GRID1: variants seen among roughly 807,000 people sequenced by gnomAD.
The protein encoded by GRID1 is glutamate receptor ionotropic, delta-1.
GRID1 carries 28 observed loss-of-function variants against 98.0 expected under a neutral mutation model. That is an observed-to-expected ratio of 0.29 (90% CI 0.21 to 0.39). GRID1 has a LOEUF of 0.39. Among genes scored for constraint, GRID1 ranks in the 10% least tolerant of loss-of-function variants. The pLI, the probability that GRID1 is intolerant of heterozygous loss-of-function variation, is 1.00. For missense variants in GRID1, 1,111 were observed against 1,340.5 expected (o/e 0.83, Z 2.67); for synonymous variants, 553 against 538.5 (o/e 1.03, Z -0.37).
chr10:86,235,122 A>G (rs1025586335), intron 2 of GRID1, among the ~76,000 whole-genome samples: 3 of 152,136 alleles, frequency 2.0e-5, no homozygotes, highest in African/African-American at 7.2e-5. Flanking sequence ...GGCCTTGCAC[A>G]CTCATACATA....
At chr10:86,124,781 C>A (rs1419440271) in intron 4 of GRID1, among the ~76,000 whole-genome samples, 2 of 152,128 alleles carry the variant, frequency 1.3e-5, no homozygotes, top group Admixed American at 6.5e-5. Context: ...TCAAGACAGA[C>A]AAATGAAACC....
At chr10:85,882,209 G>A (rs567299879) in intron 5 of GRID1, among the ~76,000 whole-genome samples, 1 of 152,302 alleles carries the variant, frequency 6.6e-6, no homozygotes, top group East Asian at 1.9e-4. Context: ...GTGGAAGTCA[G>A]TGTGGCGATT....
chr10:86,333,114 C>T (rs1434886060), intron 2 of GRID1, among the ~76,000 whole-genome samples: 1 of 152,210 alleles, frequency 6.6e-6, no homozygotes, highest in Non-Finnish European at 1.5e-5. Flanking sequence ...TACCAAATCT[C>T]CCATCAGGCC....
intron 4 of GRID1, among the ~76,000 whole-genome samples, chr10:85,979,194 C>G (rs1033219551): frequency 2.0e-5 from 3 of 152,126 alleles, no homozygotes; most frequent in East Asian, 1.9e-4. Flanking sequence ...CTCCAGCCCC[C>G]CTCCCATGGC....
intron 2 of GRID1, among the ~76,000 whole-genome samples, chr10:86,271,353 C>T (rs542833429): frequency 7.9e-5 from 12 of 152,082 alleles, no homozygotes; most frequent in African/African-American, 2.4e-4. Context: ...GATATTTCTA[C>T]GAATGCAAAA....
chr10:85,618,978 C>T (rs1842824763), intron 14 of GRID1, among the ~76,000 whole-genome samples: 1 of 152,182 alleles, frequency 6.6e-6, no homozygotes, highest in Admixed American at 6.5e-5. Flanking sequence ...TGAGTGTTGC[C>T]CCTGAGCCTG....
At chr10:85,852,408 G>A (rs1393085579) in intron 8 of GRID1, among the ~76,000 whole-genome samples, 2 of 152,250 alleles carry the variant, frequency 1.3e-5, no homozygotes, top group African/African-American at 4.8e-5. Flanking sequence ...GGAAGTGGAG[G>A]ACATAGTGCC....
intron 8 of GRID1, among the ~76,000 whole-genome samples, chr10:85,763,732 A>G (rs1399395090): frequency 3.9e-5 from 6 of 152,264 alleles, no homozygotes; most frequent in Non-Finnish European, 8.8e-5. Context: ...GACAGATTTG[A>G]GTATGTATAA....
chr10:85,644,200 G>C (rs1041198547), intron 13 of GRID1: 2 of 152,210 alleles, frequency 1.3e-5, no homozygotes, highest in African/African-American at 4.8e-5. Context: ...TGAGCAGAAT[G>C]AGATTAATGA....
chr10:86,032,463 C>T (rs1178495832), intron 4 of GRID1, among the ~76,000 whole-genome samples: 1 of 152,176 alleles, frequency 6.6e-6, no homozygotes, highest in African/African-American at 2.4e-5. Flanking sequence ...TGGGAGACTC[C>T]ATTTTGTTCT....
At chr10:85,612,640 T>G (rs938490520) in intron 15 of GRID1, among the ~76,000 whole-genome samples, 1 of 151,906 alleles carries the variant, frequency 6.6e-6, no homozygotes. Context: ...CATGTGGAGT[T>G]TCTGCTGGCA....
At chr10:85,783,635 C>G (rs995384390) in intron 8 of GRID1, among the ~76,000 whole-genome samples, 1 of 152,160 alleles carries the variant, frequency 6.6e-6, no homozygotes. Flanking sequence ...GCTAAAAACA[C>G]TTCGTCCTTG....
In GRID1 at chr10:86,235,898, C is replaced by T. The variant is rs375773329; in HGVS notation, c.236-29250G>A. On this transcript the variant is annotated intron_variant, in intron 2 of 15. Transcript: ENST00000327946. ...TAGACATATGCTTCCTTTTCTCTTT[C>T]GCAAATTCCTAGGAGTGGAATTGCT... 3.9e-5 allele frequency among the ~76,000 whole-genome samples: 6 copies of T among 152,308 alleles called. No homozygotes were observed. The East Asian group carries it at 9.6e-4, about 24-fold the overall frequency.
chr10:85,669,629 C>T (rs939140164), intron 12 of GRID1, among the ~76,000 whole-genome samples: 2 of 152,178 alleles, frequency 1.3e-5, no homozygotes, highest in African/African-American at 4.8e-5. Context: ...CTTCTCATGA[C>T]TTGCCCTGCT....
At chr10:85,824,673 T>C (rs1443612690) in intron 8 of GRID1, among the ~76,000 whole-genome samples, 1 of 152,142 alleles carries the variant, frequency 6.6e-6, no homozygotes, top group East Asian at 1.9e-4. Flanking sequence ...AATATATAGT[T>C]TTTTATCCCT....
chr10:85,869,086 T>C lies in GRID1; in HGVS notation c.875A>G (p.Gln292Arg), dbSNP rs759975940. 6.2e-7 allele frequency: 1 copy of C among 1,614,054 alleles called. No homozygotes were observed. The highest frequency in any genetic ancestry group is 1.3e-5 in the African/African-American group (1 of 75,026). Reference sequence around the variant, plus strand: ...GCGGTGGTTGTTCCTCGTGCATTTCTGATTGTCCTTTGCAGACGGAAAGAT... The same window carrying C: ...GCGGTGGTTGTTCCTCGTGCATTTCCGATTGTCCTTTGCAGACGGAAAGAT... ...RQIFPSAKDN[Q>R]KCTRNNHRIS... The change falls in exon 6 of 16, where the codon CAG (glutamine) becomes CGG (arginine). Residue 292 changes from glutamine to arginine, a missense_variant. By Grantham distance (43) the Gln-to-Arg change is conservative. Around this residue, in one of 3 missense-constraint regions of GRID1, gnomAD observed 346 missense variants for 452.3 expected, o/e 0.76. Transcript: ENST00000327946.
chr10:85,635,877 T>TTCC (rs939112947), intron 13 of GRID1, among the ~76,000 whole-genome samples: 9 of 152,214 alleles, frequency 5.9e-5, no homozygotes, highest in Admixed American at 5.9e-4. Context: ...GGAGCTGAAG[T>TTCC]TTCATTCTGA....
chr10:85,755,100 T>C (rs1243114187), intron 8 of GRID1, among the ~76,000 whole-genome samples: 3 of 152,168 alleles, frequency 2.0e-5, no homozygotes, highest in Admixed American at 6.5e-5. Flanking sequence ...CTATTCCTTA[T>C]GAAGCCTGTT....
intron 3 of GRID1, among the ~76,000 whole-genome samples, chr10:86,139,333 C>T (rs1195252547): frequency 3.3e-5 from 5 of 152,166 alleles, no homozygotes; most frequent in African/African-American, 9.7e-5. Flanking sequence ...GGCCCAATCA[C>T]GGCAATTCTG....
Sources: gnomAD v4.1 joint callset for allele counts (sites outside exome capture counted in the v4.1 genomes callset) on GRCh38, gnomAD v4.1.1 for gene constraint, gnomAD v4.1.1 regional missense constraint, MANE v1.5 for transcripts, NCBI Gene and HGNC (gene_info 2026-07-23, HGNC 2026-07-21) for gene names.